The following FOXK2 variants were observed in gnomAD, a reference collection of about 807,000 sequenced individuals.
The protein encoded by FOXK2 is forkhead box K2.
In FOXK2, 24 loss-of-function variants were observed where a neutral mutation model predicts 53.3. The observed-to-expected ratio is 0.45, with a 90% CI of 0.33 to 0.63. FOXK2 has a LOEUF of 0.63. Among genes scored for constraint, FOXK2 ranks in the 30% least tolerant of loss-of-function variants. The pLI is 0.03. For synonymous variants in FOXK2, 505 were observed against 407.1 expected, an observed-to-expected ratio of 1.24 and a Z score of -2.89; for missense variants, 952 against 910.5, an observed-to-expected ratio of 1.05 and a Z score of -0.59.
At chr17:82,547,084 A>G (rs989831186) in intron 1 of FOXK2, among the ~76,000 whole-genome samples, 3 of 151,880 alleles carry the variant, frequency 2.0e-5, no homozygotes, top group African/African-American at 7.3e-5. Flanking sequence ...ATCAAAAAAA[A>G]AAAAAAAGGA....
chr17:82,568,727 C>T (rs547671866), intron 3 of FOXK2, among the ~76,000 whole-genome samples: 17 of 152,188 alleles, frequency 1.1e-4, no homozygotes, highest in South Asian at 4.1e-4. Context: ...CAATGGAATG[C>T]GGCTGGGTGT....
intron 1 of FOXK2, among the ~76,000 whole-genome samples, chr17:82,542,625 G>A (rs1294188029): frequency 6.6e-6 from 1 of 152,142 alleles, no homozygotes; most frequent in Non-Finnish European, 1.5e-5. Flanking sequence ...CGGCAGAAGG[G>A]CAGTTTTGGT....
At chr17:82,528,015 C>T (rs932821142) in intron 1 of FOXK2, among the ~76,000 whole-genome samples, 5 of 151,998 alleles carry the variant, frequency 3.3e-5, no homozygotes, top group Admixed American at 1.3e-4. Context: ...CCAGGCTGGT[C>T]GCAAATTCCT....
intron 1 of FOXK2, among the ~76,000 whole-genome samples, chr17:82,532,780 C>G (rs1417049440): frequency 3.9e-5 from 6 of 151,968 alleles, no homozygotes; most frequent in African/African-American, 1.5e-4. Flanking sequence ...GTTGACCAGG[C>G]TGGTCTCGAA....
At chr17:82,564,448 A>G (rs1179956975) in intron 2 of FOXK2, among the ~76,000 whole-genome samples, 1 of 151,316 alleles carries the variant, frequency 6.6e-6, no homozygotes, top group African/African-American at 2.4e-5. Context: ...GTTGCCCAGG[A>G]TGAACTCAAA....
At chr17:82,525,045 G>A (rs774815746) in intron 1 of FOXK2, among the ~76,000 whole-genome samples, 4 of 150,712 alleles carry the variant, frequency 2.7e-5, no homozygotes, top group Admixed American at 6.6e-5. Flanking sequence ...GCACGATCTC[G>A]GCTCACTGCA....
chr17:82,567,493 G>A (rs1364717952), intron 2 of FOXK2, among the ~76,000 whole-genome samples: 3 of 152,044 alleles, frequency 2.0e-5, no homozygotes, highest in Admixed American at 6.6e-5. Flanking sequence ...ACCCGCTGCT[G>A]CGTCCCGGGC....
rs182292129 is a variant in FOXK2, at chr17:82,550,708, T to C, written c.420-12646T>C. Among the ~76,000 whole-genome samples the C allele has an allele frequency of 2.2e-4, 33 of 151,968 alleles. 1 individual carries two copies. In the East Asian group the frequency reaches 6.3e-3, roughly 29 times the overall value. ...TTTTAATAGAGACAGGGTTTCACCATGTTAGCCAGGATGGTCTCGATCTTC... is the reference window on the plus strand; with the variant it reads ...TTTTAATAGAGACAGGGTTTCACCACGTTAGCCAGGATGGTCTCGATCTTC... On this transcript the variant is annotated intron_variant, in intron 1 of 8. Transcript: ENST00000335255.
chr17:82,570,373 G>T (rs2044904241), intron 3 of FOXK2, among the ~76,000 whole-genome samples: 2 of 152,220 alleles, frequency 1.3e-5, no homozygotes, highest in South Asian at 4.1e-4. Context: ...TGAGCTTGGA[G>T]TCCCAGCTGC....
chr17:82,603,160 T>G lies in FOXK2; in HGVS notation c.*1661T>G, dbSNP rs1166182582. 1.3e-5 allele frequency: 2 copies of G among 152,414 alleles called. No individual in the cohort carries two copies. Among genetic ancestry groups the G allele is most frequent in the African/African-American group, 4.8e-5 (2 of 41,456 alleles). The allele number at this position is 152,414 out of a possible 1,614,324, so 9.4% of individuals were successfully genotyped here. ...CTAGCTGGATTATCACTCAGCCGTTTAAGAAATAAAAGCAAAACCATCACG... is the reference window on the plus strand; with the variant it reads ...CTAGCTGGATTATCACTCAGCCGTTGAAGAAATAAAAGCAAAACCATCACG... On this transcript the variant is annotated 3_prime_UTR_variant, in exon 9 of 9. Transcript: ENST00000335255.
In FOXK2 at chr17:82,543,498, C is replaced by T. The variant is rs557516202; in HGVS notation, c.420-19856C>T. On this transcript the variant is annotated intron_variant, in intron 1 of 8. Transcript: ENST00000335255. ...TGAGCAGAGGTCCACCACAGCTGCCCACTTGGAGCCCAGAGCTTTTGCCTC... is the reference window on the plus strand; with the variant it reads ...TGAGCAGAGGTCCACCACAGCTGCCTACTTGGAGCCCAGAGCTTTTGCCTC... Among the ~76,000 whole-genome samples the T allele has an allele frequency of 2.0e-5, 3 of 152,358 alleles. No individual in the cohort carries two copies. The South Asian group carries it at 6.2e-4, about 32-fold the overall frequency.
intron 8 of FOXK2, among the ~76,000 whole-genome samples, chr17:82,590,205 A>T (rs2045239224): frequency 6.6e-6 from 1 of 152,202 alleles, no homozygotes; most frequent in African/African-American, 2.4e-5. Context: ...AGACTTCAGG[A>T]CCAAGAGGAG....
At chr17:82,542,038 G>T (rs1006848532) in intron 1 of FOXK2, among the ~76,000 whole-genome samples, 3 of 151,888 alleles carry the variant, frequency 2.0e-5, no homozygotes, top group East Asian at 3.9e-4. Context: ...GCACCACCAC[G>T]CCTGGCTATG....
At chr17:82,558,961 G>A (rs2044762503) in intron 1 of FOXK2, among the ~76,000 whole-genome samples, 1 of 152,092 alleles carries the variant, frequency 6.6e-6, no homozygotes, top group Middle Eastern at 3.2e-3. Flanking sequence ...GTGTTATCCA[G>A]GATGGTCTCG....
intron 1 of FOXK2, among the ~76,000 whole-genome samples, chr17:82,526,405 A>C (rs2044418653): frequency 6.6e-6 from 1 of 151,990 alleles, no homozygotes; most frequent in Non-Finnish European, 1.5e-5. Context: ...AGGGCTGGAG[A>C]ATAAGGAAGG....
intron 1 of FOXK2, among the ~76,000 whole-genome samples, chr17:82,523,041 C>T (rs1250860888): frequency 6.6e-6 from 1 of 152,214 alleles, no homozygotes; most frequent in Non-Finnish European, 1.5e-5. Context: ...GATCCACCCG[C>T]CTTGGCCTCC....
Position 82,520,147 on chromosome 17 carries a change from G to A in FOXK2, c.259G>A (p.Gly87Ser). The change falls in exon 1 of 9, where the codon GGC (glycine) becomes AGC (serine). Residue 87 changes from glycine (G) to serine (S), a missense_variant. Gly to Ser is a moderately conservative substitution (Grantham distance 56). Around this residue, in one of 5 missense-constraint regions of FOXK2, gnomAD observed 163 missense variants for 165.5 expected, o/e 0.98. Coordinates refer to ENST00000335255, the MANE Select transcript of FOXK2 (RefSeq NM_004514.4). ...RRHLEIFTPP[G>S]GGGHGGAAPE... ...CCACCTCGAGATCTTCACGCCCCCG[G>A]GCGGCGGCGGCCATGGCGGGGCCGC... 6.6e-7 allele frequency: 1 copy of A among 1,520,886 alleles called. No individual in the cohort carries two copies. Among genetic ancestry groups the A allele is most frequent in the Non-Finnish European group, 8.8e-7 (1 of 1,133,968 alleles). 94.2% of individuals were successfully genotyped at this position (1,520,886 alleles called of 1,614,324 possible). A position where few individuals can be genotyped will look rare whatever the true frequency, so the allele number is the denominator to read the frequency against.
rs180677689 is a variant in FOXK2, at chr17:82,556,862, C to T, written c.420-6492C>T. Among the ~76,000 whole-genome samples, 1,255 of 151,870 alleles carry T rather than the reference C, an allele frequency of 8.3e-3. 14 individuals are homozygous for T. Among genetic ancestry groups the T allele is most frequent in the Non-Finnish European group, 0.014 (927 of 67,892 alleles). Reference sequence around the variant, plus strand: ...GGATTACAGGCACGTGTCACCACACCTGGCTAATTTTTGTATTTTTAGTAG... The same window carrying T: ...GGATTACAGGCACGTGTCACCACACTTGGCTAATTTTTGTATTTTTAGTAG... On this transcript the variant is annotated intron_variant, in intron 1 of 8. Transcript: ENST00000335255.
chr17:82,563,690 T>C (rs1245222212), intron 2 of FOXK2, 142 bp downstream of exon 2: 1 of 688,334 alleles, frequency 1.5e-6, no homozygotes. Context: ...ATTTCTGCTC[T>C]GAATTTCCTG....
Sources: allele counts gnomAD v4.1 joint callset (sites outside exome capture counted in the v4.1 genomes callset), GRCh38; gene constraint gnomAD v4.1.1; regional missense constraint gnomAD v4.1.1; transcripts MANE v1.5; gene names NCBI Gene and HGNC (gene_info 2026-07-23, HGNC 2026-07-21).